The following CDH13 variants were observed in gnomAD, a reference collection of about 807,000 sequenced individuals.
CDH13 encodes cadherin-13.
Under a neutral mutation model 63.8 loss-of-function variants are expected in CDH13, and 24 were observed. The observed-to-expected ratio is 0.38, with a 90% confidence interval of 0.27 to 0.53. The LOEUF (loss-of-function observed/expected upper bound fraction) is 0.53. CDH13 is among the 20% of genes least tolerant of loss of function. The probability of loss-of-function intolerance (pLI) is 0.85; values close to 1 mark genes in which losing one functional copy is unlikely to be tolerated. For missense variants in CDH13, 1,049 were observed against 903.1 expected, an observed-to-expected ratio of 1.16 and a Z score of -2.07; for synonymous variants, 503 against 355.3, an observed-to-expected ratio of 1.42 and a Z score of -4.67.
intron 1 of CDH13, among the ~76,000 whole-genome samples, chr16:82,845,949 G>A (rs1156799708): frequency 2.0e-5 from 3 of 152,172 alleles, no homozygotes; most frequent in African/African-American, 7.2e-5. Flanking sequence ...AATCTTAATA[G>A]TAAAGAGTTA....
At chr16:82,892,401 A>G (rs1415370444) in intron 2 of CDH13, among the ~76,000 whole-genome samples, 2 of 152,210 alleles carry the variant, frequency 1.3e-5, no homozygotes, top group Non-Finnish European at 2.9e-5. Flanking sequence ...TCAAAAGTCA[A>G]ATCCACTTTT....
intron 4 of CDH13, among the ~76,000 whole-genome samples, chr16:83,179,890 G>GTT (rs11406184): frequency 3.1e-4 from 45 of 146,482 alleles, no homozygotes; most frequent in African/African-American, 7.9e-4. Flanking sequence ...AATAGGTTAA[G>GTT]TTTTTTTTTT....
intron 9 of CDH13, among the ~76,000 whole-genome samples, chr16:83,672,787 G>C (rs1914626887): frequency 6.6e-6 from 1 of 152,144 alleles, no homozygotes; most frequent in Non-Finnish European, 1.5e-5. Flanking sequence ...GGGGAGGCCT[G>C]AGCTCCAGGA....
intron 4 of CDH13, among the ~76,000 whole-genome samples, chr16:83,165,430 C>A (rs2037624068): frequency 6.6e-6 from 1 of 152,114 alleles, no homozygotes; most frequent in South Asian, 2.1e-4. Flanking sequence ...CCACAGCACC[C>A]TTTTTATTAT....
intron 3 of CDH13, among the ~76,000 whole-genome samples, chr16:83,059,424 G>C (rs940876342): frequency 3.9e-5 from 6 of 152,140 alleles, no homozygotes; most frequent in African/African-American, 1.2e-4. Flanking sequence ...CTCTGGGAGA[G>C]CCAGGTGAGT....
At chr16:82,754,486 G>A (rs550491682) in intron 1 of CDH13, among the ~76,000 whole-genome samples, 1 of 152,216 alleles carries the variant, frequency 6.6e-6, no homozygotes, top group African/African-American at 2.4e-5. Context: ...TTCTAGAAAA[G>A]GGGTCACTGT....
chr16:82,785,504 T>C lies in CDH13; in HGVS notation c.46-72858T>C, dbSNP rs1036547520. Among the ~76,000 whole-genome samples, 5 of 152,206 alleles carry C rather than the reference T, an allele frequency of 3.3e-5. No homozygotes were observed. In the East Asian group the frequency reaches 9.6e-4, roughly 29 times the overall value. On this transcript the variant is annotated intron_variant, in intron 1 of 13. Transcript: ENST00000567109. Reference sequence around the variant, plus strand: ...ACCTGATGTCCGCAGCAGGCAGTTCTAATGCCGGTGGAGAGAGGTACAAGA... The same window carrying C: ...ACCTGATGTCCGCAGCAGGCAGTTCCAATGCCGGTGGAGAGAGGTACAAGA...
At position 83,737,839 on chromosome 16, in the gene CDH13, A is replaced by G. The variant is rs76604004; in HGVS notation, c.1539-10269A>G. ...ATCAAGCTATGCTTGGGAGGCAGAG[A>G]TCCACATTGGAACCACACTTCTGCT... On this transcript the variant is annotated intron_variant, in intron 10 of 13. Transcript: ENST00000567109. 9.3e-3 allele frequency among the ~76,000 whole-genome samples: 1,422 copies of G among 152,342 alleles called. 64 individuals carry two copies. Among genetic ancestry groups the G allele is most frequent in the Admixed American group, 0.068 (1,039 of 15,306 alleles).
chr16:83,532,570 C>G (rs1404546440), intron 7 of CDH13, among the ~76,000 whole-genome samples: 1 of 152,226 alleles, frequency 6.6e-6, no homozygotes, highest in South Asian at 2.1e-4. Context: ...GGTAGCTTCT[C>G]CATAAATATT....
intron 10 of CDH13, among the ~76,000 whole-genome samples, chr16:83,737,630 A>G (rs1911661331): frequency 6.6e-6 from 1 of 152,134 alleles, no homozygotes; most frequent in Admixed American, 6.5e-5. Context: ...AGTTTAAATC[A>G]TTATTCTCAG....
intron 5 of CDH13, among the ~76,000 whole-genome samples, chr16:83,311,573 G>A (rs746770496): frequency 6.6e-6 from 1 of 152,248 alleles, no homozygotes; most frequent in East Asian, 1.9e-4. Flanking sequence ...ATTTTACAGA[G>A]TTTAAAACTG....
intron 10 of CDH13, among the ~76,000 whole-genome samples, chr16:83,679,651 A>G (rs993527407): frequency 4.6e-5 from 7 of 152,224 alleles, no homozygotes; most frequent in African/African-American, 1.7e-4. Flanking sequence ...CTATCTGACA[A>G]TGGAAACATG....
chr16:83,647,544 G>A (rs978002613), intron 8 of CDH13, among the ~76,000 whole-genome samples: 4 of 152,182 alleles, frequency 2.6e-5, no homozygotes, highest in Non-Finnish European at 4.4e-5. Context: ...ATGCGTGTGT[G>A]TGTTGAACTG....
intron 7 of CDH13, among the ~76,000 whole-genome samples, chr16:83,532,497 C>G (rs1276604620): frequency 6.6e-6 from 1 of 152,192 alleles, no homozygotes; most frequent in Admixed American, 6.5e-5. Context: ...AGTGAGCTTC[C>G]TAGAAGCCAC....
rs139531500 is a variant in CDH13, at chr16:83,255,508, C to T, written c.636+38011C>T. ...CATGAGAACGTCCCTACCATGATGT[C>T]CAGTAAAGAATGGGCTACGTGTCCC... On this transcript the variant is annotated intron_variant, in intron 5 of 13. Coordinates refer to ENST00000567109, the MANE Select transcript of CDH13 (RefSeq NM_001257.5). 9.5e-4 allele frequency among the ~76,000 whole-genome samples: 145 copies of T among 152,316 alleles called. 1 individual carries two copies. In the East Asian group the frequency reaches 0.025, roughly 26 times the overall value.
At chr16:83,508,964 T>C (rs1428898435) in intron 7 of CDH13, among the ~76,000 whole-genome samples, 1 of 119,506 alleles carries the variant, frequency 8.4e-6, no homozygotes, top group Non-Finnish European at 1.9e-5. Flanking sequence ...TATGCATAGG[T>C]GTGTACATGC....
At chr16:83,764,605 C>T (rs1023257222) in intron 11 of CDH13, among the ~76,000 whole-genome samples, 1 of 152,110 alleles carries the variant, frequency 6.6e-6, no homozygotes, top group Non-Finnish European at 1.5e-5. Flanking sequence ...CTCTGTGAGG[C>T]TCCCACCCCC....
intron 6 of CDH13, among the ~76,000 whole-genome samples, chr16:83,379,025 A>T (rs12445411): frequency 2.0e-5 from 3 of 148,030 alleles, no homozygotes; most frequent in African/African-American, 7.4e-5. Context: ...ACACACACAC[A>T]CGTGTGTGTA....
At chr16:83,534,165 T>C (rs1261972529) in intron 7 of CDH13, among the ~76,000 whole-genome samples, 1 of 152,184 alleles carries the variant, frequency 6.6e-6, no homozygotes, top group Non-Finnish European at 1.5e-5. Context: ...ATCTACTTTC[T>C]GTCTTTAAGG....
Sources: gnomAD v4.1 joint callset for allele counts (sites outside exome capture counted in the v4.1 genomes callset) on GRCh38, gnomAD v4.1.1 for gene constraint, MANE v1.5 for transcripts, NCBI Gene and HGNC (gene_info 2026-07-23, HGNC 2026-07-21) for gene names.